SLK: variants seen among roughly 807,000 people sequenced by gnomAD.
The protein encoded by SLK is STE20 like kinase.
A neutral mutation model predicts 147.7 loss-of-function variants in SLK; 67 were observed. The observed-to-expected ratio is 0.45, with a 90% confidence interval of 0.37 to 0.56. The LOEUF (loss-of-function observed/expected upper bound fraction) is 0.56. Among genes scored for constraint, SLK ranks in the 20% least tolerant of loss-of-function variants. The probability of loss-of-function intolerance (pLI) is 0.00; values close to 1 mark genes in which losing one functional copy is unlikely to be tolerated. For synonymous variants in SLK, 441 were observed against 475.0 expected (o/e 0.93, Z 0.93); for missense variants, 1,136 against 1,438.8 (o/e 0.79, Z 3.41).
At chr10:103,996,941 T>C (rs1384220752) in intron 4 of SLK, among the ~76,000 whole-genome samples, 2 of 152,208 alleles carry the variant, frequency 1.3e-5, no homozygotes, top group Non-Finnish European at 2.9e-5. Context: ...AAAATTTACC[T>C]TTTTGATCAT....
chr10:104,022,328 A>G (rs1391337821), intron 18 of SLK, among the ~76,000 whole-genome samples: 1 of 152,112 alleles, frequency 6.6e-6, no homozygotes, highest in Non-Finnish European at 1.5e-5. Context: ...AAATCTGGTA[A>G]AATAGGGATG....
intron 12 of SLK, among the ~76,000 whole-genome samples, chr10:104,009,750 C>T (rs1356084124): frequency 1.3e-5 from 2 of 151,902 alleles, no homozygotes; most frequent in African/African-American, 2.4e-5. Context: ...TGTTTGAGAT[C>T]GTGATATGCA....
Position 104,001,893 on chromosome 10 carries a change from T to A in SLK, c.994-279T>A, listed in dbSNP as rs542299779. On this transcript the variant is annotated intron_variant, in intron 8 of 18. Coordinates refer to ENST00000369755, the MANE Select transcript of SLK (RefSeq NM_014720.4). ...ACCACACCCAACTAATTTTTGTATT[T>A]TTAGTAGAGATGGGGTTTCACCATG... 3.5e-4 allele frequency among the ~76,000 whole-genome samples: 53 copies of A among 152,160 alleles called. 1 individual carries two copies. The highest frequency in any genetic ancestry group is 1.2e-3 in the African/African-American group (50 of 41,522).
At position 104,008,295 on chromosome 10, in the gene SLK, A is replaced by G. The variant is rs761492417; in HGVS notation, c.2723A>G (p.Lys908Arg). 3.1e-6 allele frequency: 5 copies of G among 1,614,104 alleles called. No homozygotes were observed. The South Asian group carries it at 3.3e-5, about 11-fold the overall frequency. ...TTGCGAGATGAAGCCAAACGCATCA[A>G]AGGAGAACAAGAGAAAGAGTTGTCC... ...NRLRDEAKRI[K>R]GEQEKELSKF... Residue 908 changes from lysine (K) to arginine (R), a missense_variant, in exon 12 of 19, where the codon AAA (lysine) becomes AGA (arginine). By Grantham distance (26) the Lys-to-Arg change is conservative. Around this residue, in one of 6 missense-constraint regions of SLK, gnomAD observed 327 missense variants for 457.5 expected, o/e 0.71. Transcript: ENST00000369755.
At chr10:104,015,624 T>A (rs1223678785) in intron 13 of SLK, among the ~76,000 whole-genome samples, 2 of 152,240 alleles carry the variant, frequency 1.3e-5, no homozygotes, top group Non-Finnish European at 2.9e-5. Flanking sequence ...TTTAGTAACC[T>A]TCTAAGTAGT....
chr10:104,005,976 A>G lies in SLK; in HGVS notation c.2545A>G (p.Asn849Asp). The change falls in exon 11 of 19, where the codon AAT becomes GAT. Residue 849 changes from asparagine to aspartate, a missense_variant. Coordinates refer to ENST00000369755, the MANE Select transcript of SLK (RefSeq NM_014720.4). ...AGAGCAAAGAGCCCAACAACAGCTC[A>G]ATAGCAAACTACAGCAACAACGAGA... Reference protein sequence around the residue: ...KEEQRAQQQLNSKLQQQREQI... With the variant: ...KEEQRAQQQLDSKLQQQREQI... 1.2e-6 allele frequency: 2 copies of G among 1,612,970 alleles called. No individual in the cohort carries two copies. The highest frequency in any genetic ancestry group is 8.5e-7 in the Non-Finnish European group (1 of 1,179,528).
intron 11 of SLK, among the ~76,000 whole-genome samples, chr10:104,007,437 C>T (rs1394064309): frequency 6.6e-6 from 1 of 151,938 alleles, no homozygotes; most frequent in Admixed American, 6.6e-5. Context: ...AAAACCCCGT[C>T]TCTACTAAAA....
rs750231981 is a variant in SLK, at chr10:103,992,957, ATT to A, written c.365-17_365-16del. On this transcript the variant is annotated intron_variant, in intron 3 of 18. Transcript: ENST00000369755. ...TATGTTTTCACTGTATAAAAAGCAGATTTTTTTTTTTACTTTCTCCTTATAGA... is the reference window on the plus strand; with the variant it reads ...TATGTTTTCACTGTATAAAAAGCAGATTTTTTTTTACTTTCTCCTTATAGA... 1.5e-5 allele frequency: 19 copies of A among 1,256,714 alleles called. No homozygotes were observed. The highest frequency in any genetic ancestry group is 2.8e-5 in the East Asian group (1 of 35,150). 77.8% of individuals were successfully genotyped at this position (1,256,714 alleles called of 1,614,324 possible). A position where few individuals can be genotyped will look rare whatever the true frequency, so the allele number is the denominator to read the frequency against.
At chr10:103,970,193 G>C (rs1357042151) in intron 1 of SLK, among the ~76,000 whole-genome samples, 4 of 152,198 alleles carry the variant, frequency 2.6e-5, no homozygotes, top group Non-Finnish European at 5.9e-5. Context: ...ATTACATTTA[G>C]AGCTCATAGA....
In SLK at chr10:104,001,486, T is replaced by C. The variant is rs778253390; in HGVS notation, c.907T>C (p.Leu303=). 9 of 1,614,082 alleles carry C rather than the reference T, an allele frequency of 5.6e-6. No individual in the cohort carries two copies. The Admixed American group carries it at 1.5e-4, about 27-fold the overall frequency. ...TVDSNKPIRE[L]IAEAKAEVTE... ...TGATTCCAACAAACCCATCCGAGAA[T>C]TGATTGCAGAGGCGAAGGCTGAAGT... Residue 303 remains leucine, a synonymous_variant, in exon 8 of 19, where the codon TTG becomes CTG. Coordinates refer to ENST00000369755, the MANE Select transcript of SLK (RefSeq NM_014720.4).
chr10:103,967,912 G>A lies in SLK; in HGVS notation c.150+17G>A. On this transcript the variant is annotated intron_variant, in intron 1 of 18. Transcript: ENST00000369755. ...GTGTACAAGGTAAGAGGGGGAAAAC[G>A]GGAAGTTGTACTGCGAAGGTAAAAC... The A allele has an allele frequency of 6.2e-7, 1 of 1,611,970 alleles. No homozygotes were observed. Among genetic ancestry groups the A allele is most frequent in the East Asian group, 2.2e-5 (1 of 44,766 alleles).
intron 18 of SLK, among the ~76,000 whole-genome samples, chr10:104,022,437 A>G (rs965600222): frequency 5.1e-4 from 77 of 152,240 alleles, no homozygotes; most frequent in African/African-American, 1.5e-3. Flanking sequence ...TGCTATCACT[A>G]TATGATCTCT....
chr10:103,985,482 T>TG (rs1353817871), intron 1 of SLK, among the ~76,000 whole-genome samples: 2 of 152,370 alleles, frequency 1.3e-5, no homozygotes, highest in East Asian at 3.9e-4. Flanking sequence ...CTTCTTCTTT[T>TG]GGTGGGGGGA....
At chr10:103,968,301 A>G (rs1843745771) in intron 1 of SLK, among the ~76,000 whole-genome samples, 1 of 152,192 alleles carries the variant, frequency 6.6e-6, no homozygotes, top group Non-Finnish European at 1.5e-5. Context: ...TTCTGTTTTT[A>G]GGGTCCAGTA....
chr10:104,019,421 C>A (rs1429688646), intron 15 of SLK, among the ~76,000 whole-genome samples: 1 of 151,992 alleles, frequency 6.6e-6, no homozygotes, highest in African/African-American at 2.4e-5. Flanking sequence ...TGCACCACCA[C>A]ACCCTGCTAA....
At chr10:104,021,763 AT>A in intron 18 of SLK, 30 bp downstream of exon 18, 1 of 1,217,540 alleles carries the variant, frequency 8.2e-7, no homozygotes, top group Non-Finnish European at 1.2e-6. Context: ...TTAAAATGAT[AT>A]GTGTGTACTC....
chr10:104,002,406 A>C lies in SLK; in HGVS notation c.1228A>C (p.Thr410Pro). Reference protein sequence around the residue: ...HITDAQLEAMTELHDRTAVIK... With the variant: ...HITDAQLEAMPELHDRTAVIK... Reference sequence around the variant, plus strand: ...TACCGATGCTCAGTTAGAAGCAATGACTGAACTCCATGACAGAACAGCAGT... The same window carrying C: ...TACCGATGCTCAGTTAGAAGCAATGCCTGAACTCCATGACAGAACAGCAGT... The change falls in exon 9 of 19, where the codon ACT becomes CCT. Residue 410 changes from threonine (T) to proline (P), a missense_variant. Around this residue, in one of 6 missense-constraint regions of SLK, gnomAD observed 516 missense variants for 531.3 expected, o/e 0.97. Coordinates refer to ENST00000369755, the MANE Select transcript of SLK (RefSeq NM_014720.4). The C allele has an allele frequency of 6.2e-7, 1 of 1,614,010 alleles. No homozygotes were observed. The highest frequency in any genetic ancestry group is 8.5e-7 in the Non-Finnish European group (1 of 1,179,984).
chr10:103,980,361 G>A (rs942116753), intron 1 of SLK, among the ~76,000 whole-genome samples: 1 of 151,932 alleles, frequency 6.6e-6, no homozygotes, highest in Non-Finnish European at 1.5e-5. Context: ...ATTCACCATC[G>A]TCATGATTTT....
At chr10:103,994,947 T>C (rs1844147230) in intron 4 of SLK, among the ~76,000 whole-genome samples, 1 of 152,216 alleles carries the variant, frequency 6.6e-6, no homozygotes. Context: ...AGGCACACCG[T>C]GTCTGCTTTG....
Sources: gnomAD v4.1 joint callset for allele counts (sites outside exome capture counted in the v4.1 genomes callset) on GRCh38, gnomAD v4.1.1 for gene constraint, gnomAD v4.1.1 regional missense constraint, MANE v1.5 for transcripts, NCBI Gene and HGNC (gene_info 2026-07-23, HGNC 2026-07-21) for gene names.